MYO5B: variants seen among roughly 807,000 people sequenced by gnomAD.
MYO5B encodes the protein myosin VB, also known as unconventional myosin-Vb.
A neutral mutation model predicts 229.3 loss-of-function variants in MYO5B; 143 were observed. The ratio of observed to expected loss-of-function variants is 0.62; its 90% CI spans 0.54 to 0.72. MYO5B has a LOEUF of 0.72. Ranked by LOEUF, MYO5B falls within the 30% of genes least tolerant of loss-of-function variation. The probability of loss-of-function intolerance (pLI) is 0.00; values close to 1 mark genes in which losing one functional copy is unlikely to be tolerated. For missense variants in MYO5B, 2,321 were observed against 2,331.0 expected (o/e 1.00, Z 0.09); for synonymous variants, 918 against 885.2 (o/e 1.04, Z -0.66).
chr18:50,014,858 C>G (rs2026200522), intron 4 of MYO5B, among the ~76,000 whole-genome samples: 2 of 152,192 alleles, frequency 1.3e-5, no homozygotes, highest in South Asian at 4.1e-4. Flanking sequence ...AGCTGTGTAA[C>G]TAAGTGTAAG....
chr18:50,047,117 C>T (rs1258404835), intron 2 of MYO5B, among the ~76,000 whole-genome samples: 2 of 152,180 alleles, frequency 1.3e-5, no homozygotes, highest in Non-Finnish European at 2.9e-5. Flanking sequence ...AGAGCTTCTG[C>T]ACAGCAAAAG....
At chr18:49,866,356 G>C (rs1159081668) in intron 27 of MYO5B, among the ~76,000 whole-genome samples, 1 of 151,906 alleles carries the variant, frequency 6.6e-6, no homozygotes, top group African/African-American at 2.4e-5. Flanking sequence ...GGCATGAGCC[G>C]CCACGCCCGA....
At chr18:49,880,213 G>A (rs2024571513) in intron 23 of MYO5B, among the ~76,000 whole-genome samples, 158 bp downstream of exon 23, 1 of 152,124 alleles carries the variant, frequency 6.6e-6, no homozygotes, top group African/African-American at 2.4e-5. Context: ...ATGTCCTAGT[G>A]GGATCTTAAA....
At chr18:50,040,016 G>A in intron 3 of MYO5B, 127 bp downstream of exon 3, 1 of 1,062,954 alleles carries the variant, frequency 9.4e-7, no homozygotes, top group Non-Finnish European at 1.4e-6. Context: ...AACCTTTCAA[G>A]GGTCTCAGTG....
chr18:49,879,617 T>C (rs966091132), intron 23 of MYO5B, among the ~76,000 whole-genome samples: 4 of 152,230 alleles, frequency 2.6e-5, no homozygotes, highest in Non-Finnish European at 5.9e-5. Context: ...TTCAAAAAGA[T>C]GTGATATTGG....
chr18:50,080,447 CT>C (rs2031192132), intron 1 of MYO5B, among the ~76,000 whole-genome samples: 1 of 152,192 alleles, frequency 6.6e-6, no homozygotes, highest in Admixed American at 6.5e-5. Context: ...CCTTTCAATG[CT>C]CTTGACATAT....
intron 13 of MYO5B, among the ~76,000 whole-genome samples, chr18:49,953,914 G>GTGTC (rs1182093384): frequency 8.7e-6 from 1 of 115,056 alleles, no homozygotes; most frequent in African/African-American, 3.4e-5. Flanking sequence ...GTGTGTGTGT[G>GTGTC]TGTGTGTGTG....
At chr18:50,146,076 T>TA (rs1337145873) in intron 1 of MYO5B, among the ~76,000 whole-genome samples, 6 of 152,278 alleles carry the variant, frequency 3.9e-5, no homozygotes, top group Non-Finnish European at 5.9e-5. Flanking sequence ...TAGCTCAGTT[T>TA]AATTATGATT....
intron 9 of MYO5B, among the ~76,000 whole-genome samples, chr18:49,976,410 T>C (rs559551121): frequency 2.0e-5 from 3 of 152,266 alleles, no homozygotes; most frequent in South Asian, 4.1e-4. Context: ...GTTTTTCCAA[T>C]GTATGGTTTA....
At chr18:50,189,026 A>G (rs1045685189) in intron 1 of MYO5B, among the ~76,000 whole-genome samples, 1 of 152,194 alleles carries the variant, frequency 6.6e-6, no homozygotes, top group African/African-American at 2.4e-5. Flanking sequence ...ACTAGGGATG[A>G]GAGAAGAAAA....
intron 39 of MYO5B, among the ~76,000 whole-genome samples, chr18:49,830,797 C>T (rs538386102): frequency 3.6e-4 from 49 of 138,012 alleles, no homozygotes; most frequent in South Asian, 9.3e-4. Flanking sequence ...TGCACTACTG[C>T]GCTCCATGGG....
At chr18:50,130,213 T>C (rs1458758549) in intron 1 of MYO5B, among the ~76,000 whole-genome samples, 1 of 152,204 alleles carries the variant, frequency 6.6e-6, no homozygotes, top group Non-Finnish European at 1.5e-5. Context: ...CAATTAAAAA[T>C]ACATCAGCCA....
chr18:49,834,763 C>G (rs28608576), intron 39 of MYO5B, among the ~76,000 whole-genome samples: 2 of 152,044 alleles, frequency 1.3e-5, no homozygotes, highest in African/African-American at 4.8e-5. Flanking sequence ...CTCAGCCTCC[C>G]GAGTAGCTGG....
chr18:49,972,996 T>C (rs1035887952), intron 10 of MYO5B, among the ~76,000 whole-genome samples: 4 of 152,106 alleles, frequency 2.6e-5, no homozygotes, highest in African/African-American at 9.7e-5. Context: ...TCACTTTCCA[T>C]ATTCTTCCCC....
intron 13 of MYO5B, among the ~76,000 whole-genome samples, chr18:49,953,963 G>C (rs1365176111): frequency 9.3e-6 from 1 of 107,300 alleles, no homozygotes; most frequent in Non-Finnish European, 1.9e-5. Flanking sequence ...ATGTGTGTGT[G>C]TGTATGTGTG....
At chr18:50,042,467 C>A (rs1555653532) in intron 2 of MYO5B, among the ~76,000 whole-genome samples, 1 of 152,032 alleles carries the variant, frequency 6.6e-6, no homozygotes, top group Non-Finnish European at 1.5e-5. Flanking sequence ...AATGAAGCCT[C>A]TTTTTTTGTG....
chr18:49,973,548 A>C (rs2025713323), intron 10 of MYO5B, among the ~76,000 whole-genome samples: 1 of 152,254 alleles, frequency 6.6e-6, no homozygotes, highest in African/African-American at 2.4e-5. Context: ...TAGCTTAAAG[A>C]GGACAGGACA....
At chr18:49,876,726 C>A (rs11082786) in intron 25 of MYO5B, among the ~76,000 whole-genome samples, 36,582 of 152,112 alleles carry the variant, frequency 0.24, 4,540 homozygotes, top group East Asian at 0.42. Context: ...GACCGCAATG[C>A]AAAGCCAAGC....
At chr18:50,104,288 ATATC>A (rs1555659365) in intron 1 of MYO5B, among the ~76,000 whole-genome samples, 4 of 144,754 alleles carry the variant, frequency 2.8e-5, no homozygotes, top group African/African-American at 1.0e-4. Context: ...ATATATATAT[ATATC>A]TCATAAATCT....
Sources: allele counts gnomAD v4.1 joint callset (sites outside exome capture counted in the v4.1 genomes callset), GRCh38; gene constraint gnomAD v4.1.1; transcripts MANE v1.5; gene names NCBI Gene and HGNC (gene_info 2026-07-23, HGNC 2026-07-21).